The following HELZ variants were observed in gnomAD, a reference collection of about 807,000 sequenced individuals.
HELZ encodes helicase with zinc finger, also known as ATP-dependent RNA helicase with zinc finger domain.
A neutral mutation model predicts 218.2 loss-of-function variants in HELZ; 23 were observed. That is an observed-to-expected ratio of 0.11 (90% confidence interval 0.08 to 0.15). The LOEUF (loss-of-function observed/expected upper bound fraction) is 0.15. HELZ is among the 10% of genes least tolerant of loss of function. The pLI, the probability that HELZ is intolerant of heterozygous loss-of-function variation, is 1.00. For missense variants in HELZ, 1,813 were observed against 2,353.7 expected, an observed-to-expected ratio of 0.77 and a Z score of 4.75; for synonymous variants, 814 against 829.4, an observed-to-expected ratio of 0.98 and a Z score of 0.32.
In HELZ at chr17:67,118,775, T is replaced by C. The variant is rs2037508396; in HGVS notation, c.3838+1630A>G. Among the ~76,000 whole-genome samples, 3 of 148,476 alleles carry C rather than the reference T, an allele frequency of 2.0e-5. No individual in the cohort carries two copies. In the South Asian group the frequency reaches 6.4e-4, roughly 32 times the overall value. On this transcript the variant is annotated intron_variant, in intron 27 of 32. Coordinates refer to ENST00000358691, the MANE Select transcript of HELZ (RefSeq NM_014877.4). ...ATATATATCTCATTAAAGATTAGTATCCAGAATGTATAAAGAACTCTTATA... is the reference window on the plus strand; with the variant it reads ...ATATATATCTCATTAAAGATTAGTACCCAGAATGTATAAAGAACTCTTATA...
chr17:67,201,257 TC>T (rs2040161958), intron 6 of HELZ, 72 bp from the exon 7 acceptor site: 12 of 928,468 alleles, frequency 1.3e-5, no homozygotes, highest in Non-Finnish European at 1.9e-5. Flanking sequence ...TTAGCTCAAT[TC>T]CTCTGTTGTT....
Position 67,108,467 on chromosome 17 carries a change from G to A in HELZ, c.4724+25C>T. 1 of 1,560,306 alleles carries A rather than the reference G, an allele frequency of 6.4e-7. No homozygotes were observed. Among genetic ancestry groups the A allele is most frequent in the Non-Finnish European group, 8.8e-7 (1 of 1,132,090 alleles). On this transcript the variant is annotated intron_variant, in intron 30 of 32. Transcript: ENST00000358691. This position sits in a 1 kb window ranked among gnomAD's most constrained non-coding sequence, Gnocchi z 4.1. The stretch of plus-strand genomic sequence containing the variant: ...AACAGTGAGGGGGTCGCATTCCAGG[G>A]GCTATTTTCAGTCCGCTGGAATACC...
intron 28 of HELZ, among the ~76,000 whole-genome samples, chr17:67,111,104 G>A (rs969829658): frequency 1.3e-5 from 2 of 152,186 alleles, no homozygotes; most frequent in South Asian, 2.1e-4. Flanking sequence ...TTTTGTGTAC[G>A]CAGAGCTATA....
intron 4 of HELZ, 92 bp from the exon 5 acceptor site, chr17:67,216,027 G>C (rs2040591127): frequency 3.9e-6 from 3 of 768,828 alleles, no homozygotes; most frequent in Admixed American, 2.1e-5. Context: ...TTGTTTCAAA[G>C]TTTAATCATT....
intron 23 of HELZ, among the ~76,000 whole-genome samples, chr17:67,129,434 A>G (rs1345070774): frequency 1.3e-5 from 2 of 152,084 alleles, no homozygotes; most frequent in Non-Finnish European, 2.9e-5. Flanking sequence ...GTGTGTGTAT[A>G]TATTTGAATT....
At chr17:67,182,601 C>T (rs538898791) in intron 12 of HELZ, among the ~76,000 whole-genome samples, 2 of 152,300 alleles carry the variant, frequency 1.3e-5, no homozygotes, top group African/African-American at 4.8e-5. Context: ...ATGTGTTACC[C>T]TGAGATGTGC....
chr17:67,136,191 T>C lies in HELZ; in HGVS notation c.2961A>G (p.Gln987=). ...VERVLNVQGK[Q]FRVLFLSTVR... ...CTGTGCTAAGAAACAAAACTCTGAA[T>C]TGCTTTCCTACAAAGAAAATTTTTT... is the stretch of plus-strand genomic sequence containing the variant. The change falls in exon 23 of 33, where the codon CAA becomes CAG. Residue 987 remains glutamine, a synonymous_variant. Transcript: ENST00000358691. 6 of 1,605,606 alleles carry C rather than the reference T, an allele frequency of 3.7e-6. No homozygotes were observed. The highest frequency in any genetic ancestry group is 4.2e-6 in the Non-Finnish European group (5 of 1,176,688).
At chr17:67,141,402 CCTTCT>C (rs138784943) in intron 21 of HELZ, among the ~76,000 whole-genome samples, 21,802 of 151,562 alleles carry the variant, frequency 0.14, 1,737 homozygotes, top group East Asian at 0.19. Context: ...TACTTGCCAC[CCTTCT>C]CTTAGAATTT....
At chr17:67,132,576 C>T (rs1237935823) in intron 23 of HELZ, among the ~76,000 whole-genome samples, 2 of 152,088 alleles carry the variant, frequency 1.3e-5, no homozygotes, top group African/African-American at 4.8e-5. Flanking sequence ...ATTTAAAATG[C>T]AAATAAAATA....
chr17:67,217,123 T>C (rs906792248), intron 4 of HELZ, among the ~76,000 whole-genome samples: 1 of 152,202 alleles, frequency 6.6e-6, no homozygotes, highest in Non-Finnish European at 1.5e-5. Flanking sequence ...GCTGGGTATC[T>C]GAATGACATC....
intron 31 of HELZ, among the ~76,000 whole-genome samples, chr17:67,106,867 TA>T (rs2037119930): frequency 6.6e-6 from 1 of 152,138 alleles, no homozygotes. Flanking sequence ...GAAGAATCAC[TA>T]AAAGCCATTT....
chr17:67,222,625 C>T (rs2040777248), intron 3 of HELZ, among the ~76,000 whole-genome samples: 1 of 152,158 alleles, frequency 6.6e-6, no homozygotes, highest in Non-Finnish European at 1.5e-5. Flanking sequence ...CTCAATACAA[C>T]GCATGCTCCG....
At chr17:67,237,564 T>C (rs1340332801) in intron 3 of HELZ, among the ~76,000 whole-genome samples, 1 of 150,050 alleles carries the variant, frequency 6.7e-6, no homozygotes, top group Non-Finnish European at 1.5e-5. Context: ...TGTAGATAGA[T>C]TTTTTTTTTA....
At chr17:67,109,077 A>T in intron 29 of HELZ, 39 bp downstream of exon 29, 3 of 1,451,464 alleles carry the variant, frequency 2.1e-6, no homozygotes, top group Middle Eastern at 2.5e-4. Flanking sequence ...CATGTTAAGT[A>T]ATCTCTGAAT....
chr17:67,217,251 A>G (rs1287062752), intron 4 of HELZ, among the ~76,000 whole-genome samples: 1 of 152,180 alleles, frequency 6.6e-6, no homozygotes, highest in Non-Finnish European at 1.5e-5. Flanking sequence ...TCAGACAAAA[A>G]GTATCGAGGT....
chr17:67,235,172 T>A (rs1034795030), intron 3 of HELZ, among the ~76,000 whole-genome samples: 1 of 152,034 alleles, frequency 6.6e-6, no homozygotes, highest in Admixed American at 6.6e-5. Context: ...AAAGATGGCC[T>A]AGACAGTGGT....
chr17:67,100,153 C>T (rs1050051111), intron 31 of HELZ, among the ~76,000 whole-genome samples: 5 of 152,062 alleles, frequency 3.3e-5, no homozygotes, highest in Non-Finnish European at 7.4e-5. Flanking sequence ...CAATACTTTC[C>T]TCTAAAAAAG....
intron 6 of HELZ, among the ~76,000 whole-genome samples, chr17:67,201,979 T>C (rs1027597254): frequency 6.6e-6 from 1 of 152,154 alleles, no homozygotes; most frequent in Non-Finnish European, 1.5e-5. Context: ...GATGGGCCAA[T>C]ACATTACACT....
rs571933987 is a variant in HELZ at position 67,109,030 on chromosome 17, T to C, written c.4489+86A>G. On this transcript the variant is annotated intron_variant, in intron 29 of 32. Transcript: ENST00000358691. ...TGCTAGCATTATTTGAAGAAACAAT[T>C]CAATCTTAACCCAAAATGATATTAT... The C allele has an allele frequency of 2.3e-5, 26 of 1,144,690 alleles. No individual in the cohort carries two copies. In the East Asian group the frequency reaches 6.1e-4, roughly 27 times the overall value. 70.9% of individuals were successfully genotyped at this position (1,144,690 alleles called of 1,614,324 possible). A position where few individuals can be genotyped will look rare whatever the true frequency, so the allele number is the denominator to read the frequency against.
Sources: gnomAD v4.1 joint callset for allele counts (sites outside exome capture counted in the v4.1 genomes callset) on GRCh38, gnomAD v4.1.1 for gene constraint, Gnocchi (gnomAD v3.1) non-coding constraint, MANE v1.5 for transcripts, NCBI Gene and HGNC (gene_info 2026-07-23, HGNC 2026-07-21) for gene names.